CSMD1: variants seen among roughly 807,000 people sequenced by gnomAD.
CSMD1 encodes CUB and Sushi multiple domains 1.
A neutral mutation model predicts 417.5 loss-of-function variants in CSMD1; 213 were observed. The ratio of observed to expected loss-of-function variants is 0.51; its 90% CI spans 0.46 to 0.57. The LOEUF is 0.57. Among genes scored for constraint, CSMD1 ranks in the 20% least tolerant of loss-of-function variants. The pLI is 0.00. For synonymous variants in CSMD1, 2,862 were observed against 1,736.8 expected, an observed-to-expected ratio of 1.65 and a Z score of -16.11; for missense variants, 6,923 against 4,529.7, an observed-to-expected ratio of 1.53 and a Z score of -15.17.
At chr8:4,605,941 G>C (rs1800844150) in intron 2 of CSMD1, among the ~76,000 whole-genome samples, 1 of 152,134 alleles carries the variant, frequency 6.6e-6, no homozygotes, top group African/African-American at 2.4e-5. Flanking sequence ...TTTATGACGA[G>C]GATGTGTCTA....
At chr8:4,282,363 A>G (rs972052642) in intron 3 of CSMD1, among the ~76,000 whole-genome samples, 6 of 152,178 alleles carry the variant, frequency 3.9e-5, no homozygotes, top group African/African-American at 1.4e-4. Context: ...ACTGGACAAG[A>G]GGGCTCTCTT....
At chr8:3,339,787 G>C (rs1807522124) in intron 23 of CSMD1, among the ~76,000 whole-genome samples, 1 of 152,136 alleles carries the variant, frequency 6.6e-6, no homozygotes, top group Non-Finnish European at 1.5e-5. Flanking sequence ...GTGCGAAGAA[G>C]TACAAACAAG....
At chr8:4,277,220 C>A (rs943207758) in intron 3 of CSMD1, among the ~76,000 whole-genome samples, 1 of 151,742 alleles carries the variant, frequency 6.6e-6, no homozygotes, top group Non-Finnish European at 1.5e-5. Context: ...TATATATACA[C>A]ACAGACACAT....
chr8:3,871,536 A>G lies in CSMD1; in HGVS notation c.819-117494T>C, dbSNP rs1049301523. Reference sequence around the variant, plus strand: ...CCATAATGAATAATGCTTGATTTTAATTTTTCTTAGTCTATTAGGTTATTA... The same window carrying G: ...CCATAATGAATAATGCTTGATTTTAGTTTTTCTTAGTCTATTAGGTTATTA... On this transcript the variant is annotated intron_variant, in intron 5 of 69. Transcript: ENST00000635120. 4.6e-5 allele frequency among the ~76,000 whole-genome samples: 7 copies of G among 152,210 alleles called. No homozygotes were observed. The East Asian group carries it at 1.4e-3, about 29-fold the overall frequency.
intron 1 of CSMD1, among the ~76,000 whole-genome samples, chr8:4,846,299 A>G (rs1480932969): frequency 6.6e-6 from 1 of 152,216 alleles, no homozygotes; most frequent in East Asian, 1.9e-4. Context: ...ATTTCCATGT[A>G]TACCTTACTA....
At chr8:4,205,640 A>C (rs1356473966) in intron 3 of CSMD1, among the ~76,000 whole-genome samples, 2 of 152,052 alleles carry the variant, frequency 1.3e-5, no homozygotes, top group Non-Finnish European at 2.9e-5. Flanking sequence ...AGAGTGAGAA[A>C]GCCTCTCATT....
chr8:3,923,553 A>G (rs1318824737), intron 5 of CSMD1, among the ~76,000 whole-genome samples: 1 of 152,176 alleles, frequency 6.6e-6, no homozygotes, highest in Non-Finnish European at 1.5e-5. Flanking sequence ...AACAGGATAC[A>G]CTGTGAAATA....
At chr8:4,223,501 C>A (rs1230202152) in intron 3 of CSMD1, among the ~76,000 whole-genome samples, 2 of 152,220 alleles carry the variant, frequency 1.3e-5, no homozygotes, top group African/African-American at 4.8e-5. Flanking sequence ...GATGATTGCA[C>A]AGGGCGTAAT....
intron 2 of CSMD1, among the ~76,000 whole-genome samples, chr8:4,436,883 G>A (rs1201550195): frequency 6.6e-6 from 1 of 152,150 alleles, no homozygotes; most frequent in Non-Finnish European, 1.5e-5. Context: ...ACTCCATTGT[G>A]TTTAAGAACC....
At chr8:3,395,536 C>A (rs535299813) in intron 17 of CSMD1, among the ~76,000 whole-genome samples, 8 of 152,214 alleles carry the variant, frequency 5.3e-5, no homozygotes, top group African/African-American at 1.7e-4. Flanking sequence ...TTTCAGTAAA[C>A]AAGGGCAGGA....
At chr8:4,601,730 G>A (rs1800595785) in intron 2 of CSMD1, among the ~76,000 whole-genome samples, 1 of 152,152 alleles carries the variant, frequency 6.6e-6, no homozygotes, top group South Asian at 2.1e-4. Context: ...GACTTACAGT[G>A]CTTCCCTGTA....
chr8:4,064,067 A>ACAC (rs1799117819), intron 3 of CSMD1, among the ~76,000 whole-genome samples: 5 of 152,348 alleles, frequency 3.3e-5, no homozygotes, highest in Admixed American at 6.5e-5. Flanking sequence ...AGAAGTGCGC[A>ACAC]GTGTGAAGCC....
chr8:3,846,026 G>A (rs1313739397), intron 5 of CSMD1, among the ~76,000 whole-genome samples: 2 of 151,716 alleles, frequency 1.3e-5, no homozygotes, highest in Admixed American at 6.6e-5. Context: ...GACATCTTCT[G>A]AAAGAGCTGC....
intron 26 of CSMD1, among the ~76,000 whole-genome samples, chr8:3,262,184 A>AAAAATATATACATATATATAT: frequency 1.6e-5 from 1 of 63,176 alleles, no homozygotes; most frequent in African/African-American, 7.1e-5. Flanking sequence ...TGCTCATATG[A>AAAAATATATACATATATATAT]ATATATATAT....
chr8:4,405,213 T>G (rs904785246), intron 3 of CSMD1, among the ~76,000 whole-genome samples: 2 of 152,244 alleles, frequency 1.3e-5, no homozygotes, highest in African/African-American at 4.8e-5. Flanking sequence ...CAAAGGAGAC[T>G]AACCCGTGGT....
intron 10 of CSMD1, among the ~76,000 whole-genome samples, chr8:3,526,293 A>G (rs2117482364): frequency 6.6e-6 from 1 of 151,986 alleles, no homozygotes; most frequent in Middle Eastern, 3.4e-3. Flanking sequence ...AAAAGCAAAT[A>G]GATATAGGCA....
intron 12 of CSMD1, among the ~76,000 whole-genome samples, chr8:3,421,256 C>A (rs968394814): frequency 9.2e-5 from 14 of 152,122 alleles, no homozygotes; most frequent in African/African-American, 3.4e-4. Flanking sequence ...TCTTCAGAGA[C>A]TGGATCCAGG....
intron 10 of CSMD1, among the ~76,000 whole-genome samples, chr8:3,497,459 T>G (rs1298430417): frequency 6.6e-6 from 1 of 152,168 alleles, no homozygotes; most frequent in African/African-American, 2.4e-5. Flanking sequence ...CAGGCTGGAG[T>G]GCAGTGGTGC....
At chr8:4,341,415 G>C (rs1352889794) in intron 3 of CSMD1, among the ~76,000 whole-genome samples, 3 of 152,070 alleles carry the variant, frequency 2.0e-5, no homozygotes. Context: ...TCAAAATGTA[G>C]AGGAAAATGT....
Sources: gnomAD v4.1 joint callset for allele counts (sites outside exome capture counted in the v4.1 genomes callset) on GRCh38, gnomAD v4.1.1 for gene constraint, MANE v1.5 for transcripts, NCBI Gene and HGNC (gene_info 2026-07-23, HGNC 2026-07-21) for gene names.